The following CDKL5 variants were observed in gnomAD, a reference collection of about 807,000 sequenced individuals.
The protein encoded by CDKL5 is cyclin dependent kinase like 5, also known as cyclin-dependent kinase-like 5.
In CDKL5, 8 loss-of-function variants were observed where a neutral mutation model predicts 61.7. The observed-to-expected ratio is 0.13, with a 90% CI of 0.08 to 0.23. The LOEUF (loss-of-function observed/expected upper bound fraction) is 0.23. Among genes scored for constraint, CDKL5 ranks in the 10% least tolerant of loss-of-function variants. The pLI is 1.00. For missense variants in CDKL5, 440 were observed against 734.5 expected, an observed-to-expected ratio of 0.60 and a Z score of 4.63; for synonymous variants, 275 against 272.3, an observed-to-expected ratio of 1.01 and a Z score of -0.10.
intron 3 of CDKL5, among the ~76,000 whole-genome samples, chrX:18,532,862 CATTTT>C (rs1438267486): frequency 9.0e-6 from 1 of 111,110 alleles, no homozygotes; most frequent in African/African-American, 3.3e-5. Flanking sequence ...TTTTAGGGTT[CATTTT>C]AAGTTTTATT....
rs570448604 is a variant in CDKL5 at position 18,561,599 on chromosome X, A to G, written c.100-2878A>G. Among the ~76,000 whole-genome samples the G allele has an allele frequency of 6.8e-4, 76 of 111,238 alleles. 1 individual carries two copies. In the South Asian group the frequency reaches 0.026, roughly 38 times the overall value. ...CAGTTTAAGGTCACAATACTTTAAA[A>G]ACTGGTTCTGACATAAGAACAAATC... On this transcript the variant is annotated intron_variant, in intron 3 of 17. Coordinates refer to ENST00000623535, the MANE Select transcript of CDKL5 (RefSeq NM_001323289.2).
At position 18,439,394 on chromosome X, in the gene CDKL5, G is replaced by GGTGT. The variant is rs752724398; in HGVS notation, c.-163+13724_-163+13727dup. 8.6e-3 allele frequency among the ~76,000 whole-genome samples: 876 copies of GGTGT among 101,904 alleles called. 3 individuals are homozygous for GGTGT. Among genetic ancestry groups the GGTGT allele is most frequent in the Middle Eastern group, 0.034 (7 of 208 alleles). The allele number at this position is 101,904 out of a possible 115,157, so 88.5% of individuals were successfully genotyped here. A position where few individuals can be genotyped will look rare whatever the true frequency, so the allele number is the denominator to read the frequency against. Reference sequence around the variant, plus strand: ...AAATGCTGAGTTCTATTCCATAATAGGTGTGTGTGTGTGTGTGTGTGTGTG... The same window carrying GGTGT: ...AAATGCTGAGTTCTATTCCATAATAGGTGTGTGTGTGTGTGTGTGTGTGTGTGTG... On this transcript the variant is annotated intron_variant, in intron 1 of 17. Transcript: ENST00000623535.
chrX:18,502,844 C>T (rs1402222364), intron 1 of CDKL5, among the ~76,000 whole-genome samples: 1 of 111,960 alleles, frequency 8.9e-6, no homozygotes, highest in African/African-American at 3.2e-5. Context: ...TCTTATCTTT[C>T]TTACTCTTTT....
intron 1 of CDKL5, among the ~76,000 whole-genome samples, chrX:18,459,466 G>T (rs1932224355): frequency 9.2e-6 from 1 of 109,277 alleles, no homozygotes; most frequent in Non-Finnish European, 1.9e-5. Context: ...GGAGGCTGAG[G>T]CAGGAGAATC....
At chrX:18,522,841 G>T (rs1923303278) in intron 3 of CDKL5, among the ~76,000 whole-genome samples, 1 of 100,765 alleles carries the variant, frequency 9.9e-6, no homozygotes, top group Non-Finnish European at 2.0e-5. Context: ...ACCCAGGCTG[G>T]CTGTAGTGCA....
intron 4 of CDKL5, among the ~76,000 whole-genome samples, chrX:18,564,909 C>T (rs1401966863): frequency 8.9e-6 from 1 of 111,821 alleles, no homozygotes; most frequent in Non-Finnish European, 1.9e-5. Flanking sequence ...ATAGCAAGTA[C>T]TACATGAAAG....
At chrX:18,601,252 C>T (rs1270678857) in intron 11 of CDKL5, among the ~76,000 whole-genome samples, 3 of 112,154 alleles carry the variant, frequency 2.7e-5, no homozygotes, top group Non-Finnish European at 5.6e-5. Context: ...CCACCATGGA[C>T]ACGGTGCAAT....
intron 3 of CDKL5, among the ~76,000 whole-genome samples, chrX:18,551,748 G>A (rs904679570): frequency 9.3e-6 from 1 of 107,142 alleles, no homozygotes; most frequent in Non-Finnish European, 1.9e-5. Flanking sequence ...ACCACACCCA[G>A]CTAATCTTTT....
At position 18,587,966 on chromosome X, in the gene CDKL5, A is replaced by G; in HGVS notation, c.567A>G (p.Gly189=). 1 of 1,210,495 alleles carries G rather than the reference A, an allele frequency of 8.3e-7. No homozygotes were observed. Among genetic ancestry groups the G allele is most frequent in the Non-Finnish European group, 1.1e-6 (1 of 894,237 alleles). The stretch of plus-strand genomic sequence containing the variant: ...CTTTATTTTTCAGCGCTCCCTATGG[A>G]AAGTCCGTGGACATGTGGTCGGTGG... ...SPELLLGAPY[G]KSVDMWSVGC... The change falls in exon 9 of 18, where the codon GGA becomes GGG. Residue 189 remains glycine, a synonymous_variant. Coordinates refer to ENST00000623535, the MANE Select transcript of CDKL5 (RefSeq NM_001323289.2).
chrX:18,596,352 A>G (rs1925993950), intron 10 of CDKL5, among the ~76,000 whole-genome samples: 1 of 110,897 alleles, frequency 9.0e-6, no homozygotes, highest in East Asian at 2.8e-4. Flanking sequence ...GGAGGGTGTG[A>G]CGTTTCGGAA....
At chrX:18,436,340 T>C (rs2147620387) in intron 1 of CDKL5, among the ~76,000 whole-genome samples, 1 of 110,264 alleles carries the variant, frequency 9.1e-6, no homozygotes, top group African/African-American at 3.3e-5. Context: ...GTAATTTATA[T>C]TGAAAAAAAA....
At position 18,548,784 on chromosome X, in the gene CDKL5, C is replaced by T. The variant is rs150977463; in HGVS notation, c.100-15693C>T. On this transcript the variant is annotated intron_variant, in intron 3 of 17. Transcript: ENST00000623535. ...CTGAGCACCTTGTGCCTAGGTAGCCCGAAGATGTTATACAGAAACAAATTG... is the reference window on the plus strand; with the variant it reads ...CTGAGCACCTTGTGCCTAGGTAGCCTGAAGATGTTATACAGAAACAAATTG... 2.2e-3 allele frequency among the ~76,000 whole-genome samples: 244 copies of T among 111,608 alleles called. 1 individual carries two copies. The highest frequency in any genetic ancestry group is 2.4e-3 in the Non-Finnish European group (127 of 53,126).
chrX:18,520,156 C>T (rs1309030132), intron 3 of CDKL5, among the ~76,000 whole-genome samples: 3 of 112,083 alleles, frequency 2.7e-5, no homozygotes, highest in African/African-American at 6.5e-5. Flanking sequence ...ACATTGAGTA[C>T]ATTCATAATG....
At chrX:18,532,248 A>G (rs1391239031) in intron 3 of CDKL5, among the ~76,000 whole-genome samples, 1 of 111,987 alleles carries the variant, frequency 8.9e-6, no homozygotes, top group Non-Finnish European at 1.9e-5. Context: ...CTTAGTAAGA[A>G]CTTTTTCAGA....
chrX:18,608,964 C>A, intron 13 of CDKL5, 52 bp downstream of exon 13: 1 of 835,802 alleles, frequency 1.2e-6, no homozygotes, highest in Non-Finnish European at 1.8e-6. Context: ...TCATTACTGC[C>A]TAGCTTTTAA....
chrX:18,582,835 G>A (rs1247146252), intron 7 of CDKL5, among the ~76,000 whole-genome samples: 2 of 111,384 alleles, frequency 1.8e-5, no homozygotes, highest in Admixed American at 9.6e-5. Context: ...GCAAATGGAA[G>A]CATGTGTAGC....
intron 1 of CDKL5, among the ~76,000 whole-genome samples, chrX:18,481,014 C>A (rs184055924): frequency 9.1e-6 from 1 of 109,483 alleles, no homozygotes; most frequent in South Asian, 3.9e-4. Flanking sequence ...TGTGCCACCA[C>A]GCCTGGCTAA....
intron 1 of CDKL5, among the ~76,000 whole-genome samples, chrX:18,503,048 T>G (rs1191961098): frequency 8.9e-6 from 1 of 112,579 alleles, no homozygotes; most frequent in Non-Finnish European, 1.9e-5. Context: ...TTTTGAATCT[T>G]CCTAGCTGTA....
chrX:18,483,566 A>G (rs764623187), intron 1 of CDKL5, among the ~76,000 whole-genome samples: 5 of 110,007 alleles, frequency 4.5e-5, no homozygotes, highest in South Asian at 7.9e-4. Flanking sequence ...ACAGGCACCC[A>G]ACACCACACC....
Sources: allele counts gnomAD v4.1 joint callset (sites outside exome capture counted in the v4.1 genomes callset), GRCh38; gene constraint gnomAD v4.1.1; transcripts MANE v1.5; gene names NCBI Gene and HGNC (gene_info 2026-07-23, HGNC 2026-07-21).